EXOC6: variants seen among roughly 807,000 people sequenced by gnomAD.
EXOC6 encodes SEC15-like 1.
A neutral mutation model predicts 112.5 loss-of-function variants in EXOC6; 60 were observed. The observed-to-expected ratio is 0.53, with a 90% CI of 0.43 to 0.66. The LOEUF is 0.66. Among genes scored for constraint, EXOC6 ranks in the 30% least tolerant of loss-of-function variants. The pLI, the probability that EXOC6 is intolerant of heterozygous loss-of-function variation, is 0.00. For missense variants in EXOC6, 855 were observed against 957.1 expected, an observed-to-expected ratio of 0.89 and a Z score of 1.41; for synonymous variants, 295 against 308.0, an observed-to-expected ratio of 0.96 and a Z score of 0.44.
chr10:92,936,190 A>G (rs1033781303), intron 12 of EXOC6, among the ~76,000 whole-genome samples: 1 of 152,232 alleles, frequency 6.6e-6, no homozygotes, highest in Non-Finnish European at 1.5e-5. Flanking sequence ...TGAACTAGAA[A>G]TTAGAAGATA....
intron 18 of EXOC6, among the ~76,000 whole-genome samples, chr10:92,983,747 T>C (rs1441036891): frequency 6.6e-6 from 1 of 152,124 alleles, no homozygotes; most frequent in Non-Finnish European, 1.5e-5. Flanking sequence ...CCTCAAGTGA[T>C]CCACCCACAC....
At chr10:92,964,559 T>C (rs1360440510) in intron 17 of EXOC6, among the ~76,000 whole-genome samples, 2 of 152,224 alleles carry the variant, frequency 1.3e-5, no homozygotes, top group Non-Finnish European at 2.9e-5. Flanking sequence ...AATATACATG[T>C]ATTTCCCTTG....
chr10:93,055,536 CT>C (rs1846496510), intron 20 of EXOC6, among the ~76,000 whole-genome samples: 1 of 152,202 alleles, frequency 6.6e-6, no homozygotes. Flanking sequence ...AATTTACACT[CT>C]TACCATCTGA....
In EXOC6 at chr10:92,940,455, A is replaced by G. The variant is rs190348941; in HGVS notation, c.1213-272A>G. On this transcript the variant is annotated intron_variant, in intron 12 of 21. Transcript: ENST00000260762. ...ATTTTTTCCTCCAGCTCTGACTTCTAATACTTTTTAAGGCTAACACTGTAA... is the reference window on the plus strand; with the variant it reads ...ATTTTTTCCTCCAGCTCTGACTTCTGATACTTTTTAAGGCTAACACTGTAA... 1.3e-4 allele frequency among the ~76,000 whole-genome samples: 20 copies of G among 152,264 alleles called. No individual in the cohort carries two copies. The East Asian group carries it at 2.5e-3, about 19-fold the overall frequency.
intron 17 of EXOC6, among the ~76,000 whole-genome samples, chr10:92,962,345 C>G (rs1365053114): frequency 1.3e-5 from 2 of 151,480 alleles, no homozygotes; most frequent in Non-Finnish European, 2.9e-5. Context: ...GTTTATTAAG[C>G]AAAAATGTAT....
At chr10:92,910,588 T>G (rs543254501) in intron 6 of EXOC6, among the ~76,000 whole-genome samples, 36 of 151,920 alleles carry the variant, frequency 2.4e-4, no homozygotes, top group African/African-American at 8.5e-4. Flanking sequence ...TATATACATC[T>G]TACTTAAAAA....
intron 17 of EXOC6, among the ~76,000 whole-genome samples, chr10:92,957,623 G>C (rs1249547955): frequency 6.6e-6 from 1 of 152,122 alleles, no homozygotes; most frequent in Admixed American, 6.5e-5. Context: ...TTTTCACACA[G>C]AACTCAGTAA....
intron 18 of EXOC6, among the ~76,000 whole-genome samples, chr10:92,984,914 G>A (rs562117828): frequency 2.6e-5 from 4 of 151,984 alleles, no homozygotes; most frequent in African/African-American, 9.7e-5. Context: ...TGGGAGGATC[G>A]CTTGAGCCCA....
At chr10:92,915,000 ATGT>A (rs938802081) in intron 6 of EXOC6, among the ~76,000 whole-genome samples, 1 of 152,196 alleles carries the variant, frequency 6.6e-6, no homozygotes, top group Non-Finnish European at 1.5e-5. Flanking sequence ...TTCTGTGTAA[ATGT>A]TGTTTTTTGT....
intron 18 of EXOC6, among the ~76,000 whole-genome samples, chr10:92,984,160 C>T (rs1023397843): frequency 3.3e-5 from 5 of 152,046 alleles, no homozygotes; most frequent in Non-Finnish European, 7.4e-5. Flanking sequence ...TTTTGGGGTC[C>T]AGTATCCAAG....
At chr10:92,970,362 T>C (rs1030228921) in intron 17 of EXOC6, among the ~76,000 whole-genome samples, 2 of 152,260 alleles carry the variant, frequency 1.3e-5, no homozygotes, top group African/African-American at 4.8e-5. Flanking sequence ...GTAGGTGTTA[T>C]AAGTAATCAA....
chr10:92,998,974 C>T (rs755513918), intron 19 of EXOC6, among the ~76,000 whole-genome samples: 4 of 152,136 alleles, frequency 2.6e-5, no homozygotes, highest in East Asian at 1.9e-4. Flanking sequence ...TGGATTCAAG[C>T]GATTCTTGTG....
At chr10:93,004,740 T>C (rs1843901257) in intron 19 of EXOC6, among the ~76,000 whole-genome samples, 1 of 152,220 alleles carries the variant, frequency 6.6e-6, no homozygotes, top group Admixed American at 6.5e-5. Flanking sequence ...TTTTCTTTTT[T>C]AAATTGCTTT....
At chr10:93,024,036 C>T (rs975049084) in intron 20 of EXOC6, among the ~76,000 whole-genome samples, 7 of 152,156 alleles carry the variant, frequency 4.6e-5, no homozygotes, top group South Asian at 2.1e-4. Flanking sequence ...TAGCTTCTAA[C>T]GGCATATAAT....
Position 93,014,187 on chromosome 10 carries a change from T to C in EXOC6, c.2096-7T>C. On this transcript the variant is annotated splice_region_variant and splice_polypyrimidine_tract_variant and intron_variant, in intron 19 of 21. Coordinates refer to ENST00000260762, the MANE Select transcript of EXOC6 (RefSeq NM_019053.6). Reference sequence around the variant, plus strand: ...TTTTTATTCTTTTTTTTTCTTTCTTTTAATAGTGTTTGCCAGCTCTGAGCC... The same window carrying C: ...TTTTTATTCTTTTTTTTTCTTTCTTCTAATAGTGTTTGCCAGCTCTGAGCC... 6.2e-7 allele frequency: 1 copy of C among 1,609,964 alleles called. No homozygotes were observed. The highest frequency in any genetic ancestry group is 2.2e-5 in the East Asian group (1 of 44,824).
At chr10:92,954,863 T>A (rs766966657) in intron 16 of EXOC6, 122 bp downstream of exon 16, 2 of 523,214 alleles carry the variant, frequency 3.8e-6, no homozygotes, top group Non-Finnish European at 6.6e-6. Context: ...ATAAGCAGAT[T>A]TGTTTTCAAA....
chr10:93,000,803 G>T (rs867259755), intron 19 of EXOC6, among the ~76,000 whole-genome samples: 1 of 151,996 alleles, frequency 6.6e-6, no homozygotes, highest in Non-Finnish European at 1.5e-5. Context: ...TTTTCCAAAA[G>T]ACATCTTTTT....
chr10:92,974,142 A>C lies in EXOC6; in HGVS notation c.1863A>C (p.Thr621=), dbSNP rs1842405554. ...TTCAGCTTGCTGATTATGACTGGAC[A>C]ATGTCTGAGCCAGATGGAAGAGCTA... The part of the protein sequence containing the change: ...EFVQLADYDW[T]MSEPDGRASG... Residue 621 remains threonine, a synonymous_variant, in exon 18 of 22, where the codon ACA becomes ACC. Transcript: ENST00000260762. 3.7e-6 allele frequency: 6 copies of C among 1,604,294 alleles called. No individual in the cohort carries two copies. The highest frequency in any genetic ancestry group is 4.2e-6 in the Non-Finnish European group (5 of 1,177,802).
chr10:92,854,368 C>T (rs538728765), intron 1 of EXOC6, among the ~76,000 whole-genome samples: 183 of 150,180 alleles, frequency 1.2e-3, no homozygotes, highest in African/African-American at 4.3e-3. Flanking sequence ...ACCTGGGAGG[C>T]GGAGGATGCA....
Sources: allele counts gnomAD v4.1 joint callset (sites outside exome capture counted in the v4.1 genomes callset), GRCh38; gene constraint gnomAD v4.1.1; transcripts MANE v1.5; gene names NCBI Gene and HGNC (gene_info 2026-07-23, HGNC 2026-07-21).